Variants in SLC26A2 observed in about 807,000 individuals in gnomAD.
SLC26A2 encodes solute carrier family 26 member 2, also known as sulfate transporter.
In SLC26A2, 36 loss-of-function variants were observed where a neutral mutation model predicts 41.1. That is an observed-to-expected ratio of 0.88 (90% CI 0.67 to 1.16). SLC26A2 has a LOEUF of 1.16. Among genes scored for constraint, SLC26A2 ranks in the 50% most tolerant of loss-of-function variants. The pLI is 0.00. For synonymous variants in SLC26A2, 291 were observed against 311.6 expected (o/e 0.93, Z 0.70); for missense variants, 796 against 869.6 (o/e 0.92, Z 1.07).
At chr5:149,969,230 A>C (rs886487114) in intron 1 of SLC26A2, among the ~76,000 whole-genome samples, 2 of 152,192 alleles carry the variant, frequency 1.3e-5, no homozygotes, top group African/African-American at 4.8e-5. Context: ...AAAGTGTAGA[A>C]CATCTTGAAT....
intron 1 of SLC26A2, among the ~76,000 whole-genome samples, chr5:149,963,573 G>T (rs1461565268): frequency 6.6e-6 from 1 of 151,638 alleles, no homozygotes; most frequent in Non-Finnish European, 1.5e-5. Context: ...CACCGCGCCT[G>T]GCCTAATTTT....
chr5:149,981,965 A>C lies in SLC26A2; in HGVS notation c.*152A>C, dbSNP rs1033105432. The C allele has an allele frequency of 1.3e-5, 8 of 619,832 alleles. No homozygotes were observed. Among genetic ancestry groups the C allele is most frequent in the Non-Finnish European group, 2.0e-5 (7 of 353,162 alleles). The allele number at this position is 619,832 out of a possible 1,614,324, so 38.4% of individuals were successfully genotyped here. A position where few individuals can be genotyped will look rare whatever the true frequency, so the allele number is the denominator to read the frequency against. ...CCTTTGAAGCTAATGGCATTTGTAT[A>C]TACACACTGCAGCAGAGCTTGTAGC... On this transcript the variant is annotated 3_prime_UTR_variant, in exon 3 of 3. Transcript: ENST00000286298.
intron 1 of SLC26A2, among the ~76,000 whole-genome samples, chr5:149,972,129 G>A (rs1312218799): frequency 1.3e-5 from 2 of 152,184 alleles, no homozygotes; most frequent in Non-Finnish European, 2.9e-5. Flanking sequence ...TCAGAGCCCA[G>A]GTTAGATATG....
Position 149,977,647 on chromosome 5 carries a change from C to T in SLC26A2, c.-6C>T, listed in dbSNP as rs1378895396. 3 of 1,603,436 alleles carry T rather than the reference C, an allele frequency of 1.9e-6. No individual in the cohort carries two copies. The highest frequency in any genetic ancestry group is 2.6e-6 in the Non-Finnish European group (3 of 1,170,562). On this transcript the variant is annotated 5_prime_UTR_variant, in exon 2 of 3. Coordinates refer to ENST00000286298, the MANE Select transcript of SLC26A2 (RefSeq NM_000112.4). Reference sequence around the variant, plus strand: ...GTGTAGGAAGCTGAACCATCTATCTCCAGAAATGTCTTCAGAAAGTAAAGA... The same window carrying T: ...GTGTAGGAAGCTGAACCATCTATCTTCAGAAATGTCTTCAGAAAGTAAAGA...
chr5:149,973,812 A>T (rs1485650335), intron 1 of SLC26A2, among the ~76,000 whole-genome samples: 2 of 151,852 alleles, frequency 1.3e-5, no homozygotes, highest in East Asian at 3.9e-4. Context: ...TTATCTTTTA[A>T]AATATTTTTT....
intron 1 of SLC26A2, among the ~76,000 whole-genome samples, chr5:149,965,583 AT>A (rs895016824): frequency 8.9e-4 from 132 of 147,996 alleles, no homozygotes; most frequent in African/African-American, 3.1e-3. Flanking sequence ...ATTTTTAATT[AT>A]TTTTTTTTCT....
At chr5:149,976,930 T>C (rs1755001719) in intron 1 of SLC26A2, among the ~76,000 whole-genome samples, 3 of 152,254 alleles carry the variant, frequency 2.0e-5, no homozygotes, top group African/African-American at 7.2e-5. Context: ...ACAGCATGTA[T>C]GAGACACTTG....
At chr5:149,963,738 CT>C (rs761075019) in intron 1 of SLC26A2, among the ~76,000 whole-genome samples, 36 of 78,246 alleles carry the variant, frequency 4.6e-4, no homozygotes, top group East Asian at 3.8e-3. Context: ...ATTTGTTTAA[CT>C]TTTTTTTTTT....
intron 1 of SLC26A2, among the ~76,000 whole-genome samples, chr5:149,966,412 A>G (rs245051): frequency 0.51 from 77,901 of 152,018 alleles, 21,348 homozygotes; most frequent in African/African-American, 0.71. Flanking sequence ...CTCACTGCCT[A>G]TGGTTTTAGA....
At position 149,981,633 on chromosome 5, in the gene SLC26A2, G is replaced by A. The variant is rs1314229925; in HGVS notation, c.2040G>A (p.Gln680=). ...VRRDYEAIGI[Q]VLLAQCNPTV... is the part of the protein sequence containing the mutation. ...GAGATTATGAAGCCATTGGAATCCA[G>A]GTTCTGCTGGCTCAGTGCAATCCCA... is the stretch of plus-strand genomic sequence containing the variant. Residue 680 remains glutamine, a synonymous_variant, in exon 3 of 3, where the codon CAG becomes CAA. Transcript: ENST00000286298. The A allele has an allele frequency of 6.2e-7, 1 of 1,614,114 alleles. No homozygotes were observed. Among genetic ancestry groups the A allele is most frequent in the East Asian group, 2.2e-5 (1 of 44,878 alleles).
intron 1 of SLC26A2, among the ~76,000 whole-genome samples, chr5:149,977,315 C>T (rs1287978788): frequency 6.6e-6 from 1 of 152,004 alleles, no homozygotes; most frequent in Admixed American, 6.5e-5. Context: ...GCTGCCCTTA[C>T]ATCTTTTCAG....
At chr5:149,978,630 A>G (rs944854116) in intron 2 of SLC26A2, among the ~76,000 whole-genome samples, 15 of 151,804 alleles carry the variant, frequency 9.9e-5, no homozygotes, top group South Asian at 2.1e-4. Flanking sequence ...TTATTGGCAG[A>G]GTCAGCATTA....
At chr5:149,965,359 A>G (rs1177753901) in intron 1 of SLC26A2, among the ~76,000 whole-genome samples, 1 of 151,822 alleles carries the variant, frequency 6.6e-6, no homozygotes, top group Non-Finnish European at 1.5e-5. Flanking sequence ...AGGCGCCTGT[A>G]GTCCCAGCTA....
chr5:149,976,473 TA>T (rs1295269297), intron 1 of SLC26A2, among the ~76,000 whole-genome samples: 2 of 152,156 alleles, frequency 1.3e-5, no homozygotes, highest in African/African-American at 4.8e-5. Flanking sequence ...TTTAAAAAAT[TA>T]TTAGGATCTT....
chr5:149,962,958 C>G (rs549949536), intron 1 of SLC26A2, among the ~76,000 whole-genome samples: 1 of 151,918 alleles, frequency 6.6e-6, no homozygotes, highest in East Asian at 2.0e-4. Context: ...ATGTGAAAGA[C>G]AATTAACAAT....
At chr5:149,976,075 T>C (rs1437445844) in intron 1 of SLC26A2, among the ~76,000 whole-genome samples, 1 of 151,906 alleles carries the variant, frequency 6.6e-6, no homozygotes, top group Non-Finnish European at 1.5e-5. Flanking sequence ...AGAGAATTGC[T>C]TGAACCCAGG....
chr5:149,972,898 AT>A (rs1754928498), intron 1 of SLC26A2, among the ~76,000 whole-genome samples: 1 of 151,674 alleles, frequency 6.6e-6, no homozygotes, highest in Non-Finnish European at 1.5e-5. Context: ...TTTTTTTATG[AT>A]TCTATTTTAT....
rs150412774 is a variant in SLC26A2 at position 149,976,984 on chromosome 5, A to G, written c.-25-644A>G. Reference sequence around the variant, plus strand: ...TGCCCTTTACATTCAGCACCCTCATATTGACTTCTCTCTCCTCTTTCCTAC... The same window carrying G: ...TGCCCTTTACATTCAGCACCCTCATGTTGACTTCTCTCTCCTCTTTCCTAC... On this transcript the variant is annotated intron_variant, in intron 1 of 2. Coordinates refer to ENST00000286298, the MANE Select transcript of SLC26A2 (RefSeq NM_000112.4). 9.0e-3 allele frequency among the ~76,000 whole-genome samples: 1,368 copies of G among 152,284 alleles called. 24 individuals carry two copies. The highest frequency in any genetic ancestry group is 0.031 in the African/African-American group (1,292 of 41,556).
intron 1 of SLC26A2, among the ~76,000 whole-genome samples, chr5:149,966,607 T>G (rs139314601): frequency 2.4e-4 from 36 of 152,146 alleles, no homozygotes; most frequent in African/African-American, 8.0e-4. Flanking sequence ...TTTCTGAATT[T>G]TTTTTTTTAA....
Sources: allele counts gnomAD v4.1 joint callset (sites outside exome capture counted in the v4.1 genomes callset), GRCh38; gene constraint gnomAD v4.1.1; transcripts MANE v1.5; gene names NCBI Gene and HGNC (gene_info 2026-07-23, HGNC 2026-07-21).